EIF4G3: variants seen among roughly 807,000 people sequenced by gnomAD.
EIF4G3 encodes eIF-4-gamma 3.
Under a neutral mutation model 186.4 loss-of-function variants are expected in EIF4G3, and 34 were observed. That is an observed-to-expected ratio of 0.18 (90% confidence interval 0.14 to 0.24). EIF4G3 has a LOEUF of 0.24. EIF4G3 is among the 10% of genes least tolerant of loss of function. The pLI is 1.00. For missense variants in EIF4G3, 1,536 were observed against 1,948.5 expected (o/e 0.79, Z 3.99); for synonymous variants, 673 against 679.5 (o/e 0.99, Z 0.15).
intron 4 of EIF4G3, among the ~76,000 whole-genome samples, chr1:21,022,824 T>G (rs1468940899): frequency 1.3e-5 from 2 of 152,356 alleles, no homozygotes; most frequent in Non-Finnish European, 2.9e-5. Context: ...TCACTGTCCA[T>G]GTAGCTTGTA....
At chr1:20,837,456 G>A (rs908206288) in intron 30 of EIF4G3, among the ~76,000 whole-genome samples, 9 of 152,002 alleles carry the variant, frequency 5.9e-5, no homozygotes, top group African/African-American at 1.7e-4. Flanking sequence ...CACCTGCCTC[G>A]GCCTCCCAAA....
At chr1:20,989,477 A>C (rs12062931) in intron 7 of EIF4G3, among the ~76,000 whole-genome samples, 4,315 of 147,510 alleles carry the variant, frequency 0.029, 201 homozygotes, top group African/African-American at 0.099. Context: ...GAATCACTTG[A>C]ACCTGGGAGG....
chr1:20,922,373 C>T (rs1350926751), intron 14 of EIF4G3, among the ~76,000 whole-genome samples: 1 of 152,088 alleles, frequency 6.6e-6, no homozygotes, highest in Non-Finnish European at 1.5e-5. Flanking sequence ...GGCGTGATCT[C>T]CGCCACCTCT....
intron 18 of EIF4G3, among the ~76,000 whole-genome samples, chr1:20,886,713 C>A (rs2084282360): frequency 1.3e-5 from 2 of 152,124 alleles, no homozygotes; most frequent in African/African-American, 4.8e-5. Context: ...CAAAAATTCA[C>A]AGGTAGGTAT....
intron 4 of EIF4G3, among the ~76,000 whole-genome samples, chr1:21,045,781 A>G (rs886761195): frequency 5.3e-5 from 8 of 151,984 alleles, no homozygotes; most frequent in African/African-American, 1.9e-4. Context: ...ATTTTAAATA[A>G]TTCAAACTTC....
chr1:20,968,225 T>C (rs1378890060), intron 12 of EIF4G3, among the ~76,000 whole-genome samples: 1 of 151,876 alleles, frequency 6.6e-6, no homozygotes, highest in East Asian at 1.9e-4. Flanking sequence ...TTGCCCAGGC[T>C]GGTGAGTACA....
chr1:20,981,291 C>T (rs1242965377), intron 8 of EIF4G3, 64 bp from the exon 9 acceptor site: 1 of 1,075,412 alleles, frequency 9.3e-7, no homozygotes, highest in Non-Finnish European at 1.3e-6. Context: ...ATAAATTTTA[C>T]TGTCTCCTTT....
chr1:21,013,361 A>G (rs2087793522), intron 4 of EIF4G3, among the ~76,000 whole-genome samples: 1 of 152,188 alleles, frequency 6.6e-6, no homozygotes, highest in Admixed American at 6.5e-5. Context: ...TAATGTATAT[A>G]TGTATGTATA....
At chr1:21,165,593 T>G (rs767962232) in intron 2 of EIF4G3, among the ~76,000 whole-genome samples, 1 of 152,120 alleles carries the variant, frequency 6.6e-6, no homozygotes, top group African/African-American at 2.4e-5. Flanking sequence ...AAAAATACAT[T>G]AGTCCATTTA....
In EIF4G3 at chr1:20,851,238, G is replaced by T. The variant is rs928889272; in HGVS notation, c.3772+20C>A. 2 of 1,612,108 alleles carry T rather than the reference G, an allele frequency of 1.2e-6. No homozygotes were observed. The highest frequency in any genetic ancestry group is 1.7e-5 in the Admixed American group (1 of 59,964). On this transcript the variant is annotated intron_variant, in intron 28 of 36. Transcript: ENST00000602326. ...AAATTTAAAACCCAAATCTGCATCT[G>T]TTTAAGCCAAGTCTCTCACCTGACT...
At chr1:21,092,506 T>C (rs2101434134) in intron 2 of EIF4G3, among the ~76,000 whole-genome samples, 1 of 152,238 alleles carries the variant, frequency 6.6e-6, no homozygotes, top group Non-Finnish European at 1.5e-5. Context: ...ATCAATATCA[T>C]GAAAATGGCC....
chr1:20,829,379 T>C lies in EIF4G3; in HGVS notation c.4062-107A>G. 3.1e-6 allele frequency: 4 copies of C among 1,274,474 alleles called. No homozygotes were observed. In the South Asian group the frequency reaches 4.0e-5, roughly 13 times the overall value. 78.9% of individuals were successfully genotyped at this position (1,274,474 alleles called of 1,614,324 possible). On this transcript the variant is annotated intron_variant, in intron 30 of 36. Coordinates refer to ENST00000602326, the MANE Select transcript of EIF4G3 (RefSeq NM_001391906.1). ...ACAAATACATATTAATCACCTGCTATGTTAGGTACAGTCTAGCCACAAAGT... is the reference window on the plus strand; with the variant it reads ...ACAAATACATATTAATCACCTGCTACGTTAGGTACAGTCTAGCCACAAAGT...
chr1:20,932,646 C>T (rs913628374), intron 14 of EIF4G3, among the ~76,000 whole-genome samples: 1 of 151,826 alleles, frequency 6.6e-6, no homozygotes, highest in Admixed American at 6.6e-5. Context: ...GAAGAACTGC[C>T]GGTTGGTGGA....
chr1:20,885,995 T>C (rs924409583), intron 19 of EIF4G3, among the ~76,000 whole-genome samples: 2 of 152,200 alleles, frequency 1.3e-5, no homozygotes, highest in African/African-American at 2.4e-5. Flanking sequence ...CTGGTAACTA[T>C]TCTGAAAAAA....
intron 14 of EIF4G3, among the ~76,000 whole-genome samples, chr1:20,909,798 T>TTG (rs2092898798): frequency 6.7e-6 from 1 of 150,198 alleles, no homozygotes; most frequent in Admixed American, 6.6e-5. Flanking sequence ...TTTTTTTTTT[T>TTG]GGAGACATGG....
At chr1:20,937,805 GAATA>G (rs2095565311) in intron 14 of EIF4G3, among the ~76,000 whole-genome samples, 2 of 152,000 alleles carry the variant, frequency 1.3e-5, no homozygotes, top group Non-Finnish European at 1.5e-5. Flanking sequence ...CAGATACAGA[GAATA>G]AACAATAAAA....
intron 3 of EIF4G3, chr1:21,064,768 G>A (rs2095140442): frequency 6.6e-6 from 1 of 152,100 alleles, no homozygotes; most frequent in Non-Finnish European, 1.5e-5. Context: ...ACTTTTTCAA[G>A]GAATACATAT....
chr1:21,004,532 T>C (rs1237290502), intron 4 of EIF4G3, among the ~76,000 whole-genome samples: 1 of 152,152 alleles, frequency 6.6e-6, no homozygotes, highest in Non-Finnish European at 1.5e-5. Context: ...ACAACACACC[T>C]ACCTCTCAAG....
chr1:20,946,600 C>T (rs1004449460), intron 13 of EIF4G3, among the ~76,000 whole-genome samples: 3 of 152,112 alleles, frequency 2.0e-5, no homozygotes, highest in Admixed American at 6.5e-5. Context: ...TTGTTAAGCA[C>T]TTATTATGTG....
Sources: gnomAD v4.1 joint callset for allele counts (sites outside exome capture counted in the v4.1 genomes callset) on GRCh38, gnomAD v4.1.1 for gene constraint, MANE v1.5 for transcripts, NCBI Gene and HGNC (gene_info 2026-07-23, HGNC 2026-07-21) for gene names.